Variants in SNAP91 observed in about 807,000 individuals in gnomAD.
SNAP91 encodes clathrin coat assembly protein AP180.
SNAP91 carries 27 observed loss-of-function variants against 100.3 expected under a neutral mutation model. The ratio of observed to expected loss-of-function variants is 0.27; its 90% CI spans 0.20 to 0.37. The LOEUF (loss-of-function observed/expected upper bound fraction) is 0.37, where lower values mean the gene tolerates loss of function less well. Ranked by LOEUF, SNAP91 falls within the 10% of genes least tolerant of loss-of-function variation. The probability of loss-of-function intolerance (pLI) is 1.00; values close to 1 mark genes in which losing one functional copy is unlikely to be tolerated. For missense variants in SNAP91, 986 were observed against 1,123.7 expected, an observed-to-expected ratio of 0.88 and a Z score of 1.75; for synonymous variants, 404 against 398.6, an observed-to-expected ratio of 1.01 and a Z score of -0.16.
chr6:83,578,897 GAATT>G (rs1048976669), intron 24 of SNAP91, among the ~76,000 whole-genome samples: 3 of 151,544 alleles, frequency 2.0e-5, no homozygotes, highest in Non-Finnish European at 4.4e-5. Flanking sequence ...GACTTACTTT[GAATT>G]AATTTTTTTT....
At chr6:83,639,527 G>A (rs1222766393) in intron 8 of SNAP91, among the ~76,000 whole-genome samples, 1 of 152,066 alleles carries the variant, frequency 6.6e-6, no homozygotes, top group Non-Finnish European at 1.5e-5. Flanking sequence ...GTTATTTAAA[G>A]ACAGACTCTT....
chr6:83,557,628 T>C (rs1780736438), intron 28 of SNAP91, among the ~76,000 whole-genome samples: 1 of 152,026 alleles, frequency 6.6e-6, no homozygotes, highest in Admixed American at 6.6e-5. Context: ...GAGCTATGAC[T>C]GCACCACTGC....
At chr6:83,682,955 C>A (rs1420542263) in intron 2 of SNAP91, among the ~76,000 whole-genome samples, 1 of 152,030 alleles carries the variant, frequency 6.6e-6, no homozygotes, top group African/African-American at 2.4e-5. Context: ...AACCAGCTAG[C>A]CTCTGGAAGC....
At chr6:83,643,614 C>G (rs577632507) in intron 7 of SNAP91, among the ~76,000 whole-genome samples, 2 of 152,248 alleles carry the variant, frequency 1.3e-5, no homozygotes. Context: ...TTGTCTCATA[C>G]TTGAGAGTTA....
chr6:83,674,542 A>G (rs984571276), intron 2 of SNAP91, among the ~76,000 whole-genome samples: 1 of 152,216 alleles, frequency 6.6e-6, no homozygotes, highest in Non-Finnish European at 1.5e-5. Context: ...ACAAAACACC[A>G]AAGAAAAGGA....
chr6:83,553,414 A>G lies in SNAP91; in HGVS notation c.*882T>C, dbSNP rs1773690378. 1 of 152,212 alleles carries G rather than the reference A, an allele frequency of 6.6e-6. No individual in the cohort carries two copies. Among genetic ancestry groups the G allele is most frequent in the South Asian group, 2.1e-4 (1 of 4,836 alleles). 9.4% of individuals were successfully genotyped at this position (152,212 alleles called of 1,614,324 possible). On this transcript the variant is annotated 3_prime_UTR_variant, in exon 30 of 30. Transcript: ENST00000369694. ...CCCACAGTAAAGTAAAGATATTTGC[A>G]GTAATCTTTAAATTACAGATATACC...
intron 8 of SNAP91, among the ~76,000 whole-genome samples, chr6:83,636,777 T>G (rs1026173990): frequency 6.6e-6 from 1 of 152,252 alleles, no homozygotes; most frequent in Non-Finnish European, 1.5e-5. Flanking sequence ...TTCCTTCTCG[T>G]CTGAGGGAGC....
At chr6:83,703,728 G>C (rs1340307561) in intron 2 of SNAP91, among the ~76,000 whole-genome samples, 1 of 152,136 alleles carries the variant, frequency 6.6e-6, no homozygotes, top group Non-Finnish European at 1.5e-5. Context: ...TTCAGAACTT[G>C]AAGCACTTGC....
At chr6:83,562,800 A>G (rs1450116131) in intron 26 of SNAP91, among the ~76,000 whole-genome samples, 2 of 152,166 alleles carry the variant, frequency 1.3e-5, no homozygotes, top group Non-Finnish European at 2.9e-5. Flanking sequence ...CTGGACCCCA[A>G]TAAAGGCCTT....
In SNAP91 at chr6:83,575,088, C is replaced by T. The variant is rs761788942; in HGVS notation, c.2364G>A (p.Lys788=). Residue 788 remains lysine, a synonymous_variant, in exon 26 of 30, where the codon AAG becomes AAA. Transcript: ENST00000369694. Reference sequence around the variant, plus strand: ...GCTGCCAGTTGGCTCCACCAGTCAACTTTTTCTCTCCAGCATTCCACTGAA... The same window carrying T: ...GCTGCCAGTTGGCTCCACCAGTCAATTTTTTCTCTCCAGCATTCCACTGAA... ...GDLQWNAGEK[K]LTGGANWQPK... 6.2e-7 allele frequency: 1 copy of T among 1,607,882 alleles called. No homozygotes were observed. Among genetic ancestry groups the T allele is most frequent in the East Asian group, 2.2e-5 (1 of 44,798 alleles).
At chr6:83,655,806 G>C (rs1474185291) in intron 7 of SNAP91, among the ~76,000 whole-genome samples, 1 of 152,186 alleles carries the variant, frequency 6.6e-6, no homozygotes, top group Non-Finnish European at 1.5e-5. Context: ...CATATTCCCA[G>C]TGCATCTACT....
At position 83,641,145 on chromosome 6, in the gene SNAP91, C is replaced by T. The variant is rs201947130; in HGVS notation, c.716G>A (p.Arg239Gln). The change falls in exon 8 of 30, where the codon CGA becomes CAA. Residue 239 changes from arginine to glutamine, a missense_variant. Physicochemically the swap from Arg to Gln is conservative, Grantham distance 43. Around this residue, in one of 4 missense-constraint regions of SNAP91, gnomAD observed 330 missense variants for 447.5 expected, o/e 0.74. Coordinates refer to ENST00000369694, the MANE Select transcript of SNAP91 (RefSeq NM_001242792.2). ...CACTCGTGTCATTCTAGTTAGAAATCGTTTGTAAATTTCTAGAGCATCTTT... is the reference window on the plus strand; with the variant it reads ...CACTCGTGTCATTCTAGTTAGAAATTGTTTGTAAATTTCTAGAGCATCTTT... ...QCKDALEIYK[R>Q]FLTRMTRVSE... is the part of the protein sequence containing the mutation. 5 of 1,546,820 alleles carry T rather than the reference C, an allele frequency of 3.2e-6. No homozygotes were observed. Among genetic ancestry groups the T allele is most frequent in the Admixed American group, 2.1e-5 (1 of 48,134 alleles).
chr6:83,597,872 T>C (rs1562276028), intron 16 of SNAP91, among the ~76,000 whole-genome samples: 1 of 152,174 alleles, frequency 6.6e-6, no homozygotes. Context: ...TAGTTGAAAG[T>C]GTTTAATTAT....
chr6:83,670,229 A>G (rs1204242885), intron 2 of SNAP91, among the ~76,000 whole-genome samples: 1 of 143,644 alleles, frequency 7.0e-6, no homozygotes, highest in Non-Finnish European at 1.5e-5. Context: ...ATCTCTGCTA[A>G]GACTTGATAT....
chr6:83,658,286 G>C (rs2098455654), intron 6 of SNAP91, among the ~76,000 whole-genome samples: 1 of 152,096 alleles, frequency 6.6e-6, no homozygotes. Context: ...CAATTCTTTG[G>C]TGGATAGTGT....
chr6:83,697,251 GTAGTTA>G (rs2099227450), intron 2 of SNAP91, among the ~76,000 whole-genome samples: 1 of 148,792 alleles, frequency 6.7e-6, no homozygotes, highest in South Asian at 2.2e-4. Context: ...TATAATATAT[GTAGTTA>G]TAAATTATAA....
At chr6:83,633,661 A>G (rs1331112761) in intron 8 of SNAP91, among the ~76,000 whole-genome samples, 1 of 151,980 alleles carries the variant, frequency 6.6e-6, no homozygotes, top group Non-Finnish European at 1.5e-5. Context: ...AAGTGGGGGA[A>G]AGCCGACAGT....
At chr6:83,682,465 C>T (rs538420530) in intron 2 of SNAP91, among the ~76,000 whole-genome samples, 1 of 152,198 alleles carries the variant, frequency 6.6e-6, no homozygotes, top group South Asian at 2.1e-4. Context: ...CCTCAGCCTC[C>T]CAAAGTGCTG....
intron 24 of SNAP91, among the ~76,000 whole-genome samples, chr6:83,577,274 A>G (rs945764883): frequency 1.3e-5 from 2 of 152,316 alleles, no homozygotes; most frequent in Admixed American, 1.3e-4. Context: ...TTTCTTACCA[A>G]ATCTTGGCAT....
Sources: gnomAD v4.1 joint callset for allele counts (sites outside exome capture counted in the v4.1 genomes callset) on GRCh38, gnomAD v4.1.1 for gene constraint, gnomAD v4.1.1 regional missense constraint, MANE v1.5 for transcripts, NCBI Gene and HGNC (gene_info 2026-07-23, HGNC 2026-07-21) for gene names.